AKAP9: variants seen among roughly 807,000 people sequenced by gnomAD.
AKAP9 encodes A-kinase anchor protein 9.
AKAP9 carries 311 observed loss-of-function variants against 488.5 expected under a neutral mutation model. That is an observed-to-expected ratio of 0.64 (90% CI 0.58 to 0.70). AKAP9 has a LOEUF of 0.70. Ranked by LOEUF, AKAP9 falls within the 30% of genes least tolerant of loss-of-function variation. The pLI is 0.00. For missense variants in AKAP9, 4,215 were observed against 4,374.5 expected (o/e 0.96, Z 1.03); for synonymous variants, 1,462 against 1,483.5 (o/e 0.99, Z 0.33).
At position 92,038,547 on chromosome 7, in the gene AKAP9, T is replaced by C. The variant is rs1030951814; in HGVS notation, c.4467T>C (p.Asn1489=). The part of the protein sequence containing the change: ...AVCQQEQHYF[N]EMKLSQDQIG... ...GTCAGCAAGAACAACATTATTTTAA[T>C]GAAATGAAATTATCACAGGATCAAA... The change falls in exon 17 of 50, where the codon AAT becomes AAC. Residue 1489 remains asparagine, a synonymous_variant. Coordinates refer to ENST00000356239, the MANE Select transcript of AKAP9 (RefSeq NM_005751.5). The C allele has an allele frequency of 1.2e-6, 2 of 1,613,944 alleles. No individual in the cohort carries two copies. Among genetic ancestry groups the C allele is most frequent in the South Asian group, 2.2e-5 (2 of 91,078 alleles).
In AKAP9 at chr7:92,001,709, A is replaced by G; in HGVS notation, c.1792A>G (p.Ile598Val). The change falls in exon 8 of 50, where the codon ATA (isoleucine) becomes GTA (valine). Residue 598 changes from isoleucine to valine, a missense_variant. Physicochemically the swap from Ile to Val is conservative, Grantham distance 29. Around this residue, in one of 5 missense-constraint regions of AKAP9, gnomAD observed 2,361 missense variants for 2,430.0 expected, o/e 0.97. Coordinates refer to ENST00000356239, the MANE Select transcript of AKAP9 (RefSeq NM_005751.5). ...KHEAEVTNYK[I>V]KLEMLEKEKN... ...TGAAGCAGAAGTTACAAATTACAAG[A>G]TAAAACTTGAAATGTTAGAAAAAGA... 6.2e-7 allele frequency: 1 copy of G among 1,612,424 alleles called. No individual in the cohort carries two copies. The highest frequency in any genetic ancestry group is 2.2e-5 in the East Asian group (1 of 44,834).
chr7:91,983,007 T>C (rs1470640979), intron 3 of AKAP9, among the ~76,000 whole-genome samples: 1 of 152,204 alleles, frequency 6.6e-6, no homozygotes, highest in Non-Finnish European at 1.5e-5. Context: ...TCTGTTCATA[T>C]CCTTTGCCTG....
intron 3 of AKAP9, among the ~76,000 whole-genome samples, chr7:91,985,108 T>C (rs1253958701): frequency 6.6e-6 from 1 of 152,202 alleles, no homozygotes; most frequent in Non-Finnish European, 1.5e-5. Context: ...CCTTTATTTC[T>C]TTCTCTTGTC....
At chr7:92,042,811 A>G in intron 20 of AKAP9, 40 bp downstream of exon 20, 2 of 1,353,662 alleles carry the variant, frequency 1.5e-6, no homozygotes, top group Non-Finnish European at 2.1e-6. Flanking sequence ...AAGTAAATTA[A>G]AATGGTTGTT....
chr7:92,023,209 A>T (rs1244237134), intron 14 of AKAP9, among the ~76,000 whole-genome samples, 200 bp downstream of exon 14: 5 of 152,202 alleles, frequency 3.3e-5, no homozygotes, highest in Non-Finnish European at 5.9e-5. Context: ...TAAACCAAAG[A>T]CATTATAGGA....
In AKAP9 at chr7:92,093,121, A is replaced by G; in HGVS notation, c.9383A>G (p.Gln3128Arg). Residue 3128 changes from glutamine to arginine, a missense_variant, in exon 39 of 50, where the codon CAG becomes CGG. Physicochemically the swap from Gln to Arg is conservative, Grantham distance 43. Coordinates refer to ENST00000356239, the MANE Select transcript of AKAP9 (RefSeq NM_005751.5). The part of the protein sequence containing the change: ...SQELLEYNIQ[Q>R]KQSQMLEMQV... ...GAACTCTTGGAATATAATATACAGC[A>G]GAAGCAGTCTCAAATGCTGGAGATG... 1 of 1,613,960 alleles carries G rather than the reference A, an allele frequency of 6.2e-7. No homozygotes were observed. The highest frequency in any genetic ancestry group is 1.1e-5 in the South Asian group (1 of 91,064).
chr7:92,088,925 G>A (rs888547705), intron 37 of AKAP9, among the ~76,000 whole-genome samples: 1 of 152,090 alleles, frequency 6.6e-6, no homozygotes, highest in African/African-American at 2.4e-5. Context: ...CAGATACATG[G>A]GAACTTTAGC....
chr7:91,986,297 C>T (rs1465992472), intron 3 of AKAP9, among the ~76,000 whole-genome samples: 1 of 152,208 alleles, frequency 6.6e-6, no homozygotes, highest in African/African-American at 2.4e-5. Context: ...CAGGTACAGT[C>T]TGTCACAGCT....
Position 92,001,667 on chromosome 7 carries a change from G to A in AKAP9, c.1750G>A (p.Glu584Lys), listed in dbSNP as rs1440157058. The A allele has an allele frequency of 6.2e-7, 1 of 1,612,626 alleles. No individual in the cohort carries two copies. Among genetic ancestry groups the A allele is most frequent in the East Asian group, 2.2e-5 (1 of 44,836 alleles). Residue 584 changes from glutamate to lysine, a missense_variant, in exon 8 of 50, where the codon GAA becomes AAA. Glu to Lys is a moderately conservative substitution (Grantham distance 56, BLOSUM62 1). Coordinates refer to ENST00000356239, the MANE Select transcript of AKAP9 (RefSeq NM_005751.5). ...EIVSASESRK[E>K]LELKHEAEVT... ...TGTTTCTGCATCTGAATCCAGAAAGGAACTAGAATTAAAACATGAAGCAGA... is the reference window on the plus strand; with the variant it reads ...TGTTTCTGCATCTGAATCCAGAAAGAAACTAGAATTAAAACATGAAGCAGA...
intron 8 of AKAP9, among the ~76,000 whole-genome samples, chr7:92,006,736 T>C (rs1275956416): frequency 6.6e-6 from 1 of 152,092 alleles, no homozygotes; most frequent in Admixed American, 6.6e-5. Context: ...AGGAGAAAAA[T>C]AAAAACATCA....
At chr7:92,100,753 G>T (rs1434323097) in intron 44 of AKAP9, 103 bp from the exon 45 acceptor site, 2 of 1,318,704 alleles carry the variant, frequency 1.5e-6, no homozygotes, top group Non-Finnish European at 2.2e-6. Flanking sequence ...TGTCTGGGTG[G>T]GGTTAGAAAG....
At chr7:92,066,589 T>G (rs1476403851) in intron 26 of AKAP9, 43 bp downstream of exon 26, 3 of 1,608,846 alleles carry the variant, frequency 1.9e-6, no homozygotes, top group Non-Finnish European at 2.6e-6. Context: ...GTAATTTGTA[T>G]CAAGTGTAAA....
chr7:92,082,093 C>G (rs1020145599), intron 31 of AKAP9, among the ~76,000 whole-genome samples: 1 of 152,020 alleles, frequency 6.6e-6, no homozygotes, highest in African/African-American at 2.4e-5. Flanking sequence ...CACCACAACA[C>G]CTGGCTAATT....
At chr7:92,084,505 C>T (rs1452348486) in intron 33 of AKAP9, 135 bp from the exon 34 acceptor site, 1 of 617,644 alleles carries the variant, frequency 1.6e-6, no homozygotes, top group Non-Finnish European at 2.8e-6. Flanking sequence ...AAAAAAAAAC[C>T]ATGAATAATT....
intron 1 of AKAP9, among the ~76,000 whole-genome samples, chr7:91,967,489 G>T (rs1447039867): frequency 6.6e-6 from 1 of 152,080 alleles, no homozygotes; most frequent in Non-Finnish European, 1.5e-5. Context: ...TCTGTATCCA[G>T]TTTGTTGAGG....
chr7:92,092,852 G>A (rs959253080), intron 38 of AKAP9: 3 of 416,694 alleles, frequency 7.2e-6, no homozygotes, highest in Non-Finnish European at 4.4e-6. Context: ...TCACCATGTT[G>A]CCCAGGCTGG....
chr7:92,018,415 CACACACACACACACACACACACACACAG>C (rs1199287693), intron 12 of AKAP9, among the ~76,000 whole-genome samples: 3 of 123,270 alleles, frequency 2.4e-5, no homozygotes, highest in African/African-American at 9.4e-5. Flanking sequence ...CACACACACA[CACACACACACACACACACACACACACAG>C]AGAAATATTC....
rs1816678620 is a variant in AKAP9, at chr7:92,096,879, T to C, written c.9920T>C (p.Val3307Ala). The C allele has an allele frequency of 1.2e-6, 2 of 1,613,904 alleles. No homozygotes were observed. The highest frequency in any genetic ancestry group is 3.3e-5 in the Admixed American group (2 of 59,974). The change falls in exon 41 of 50, where the codon GTT (valine) becomes GCT (alanine). Residue 3307 changes from valine (V) to alanine (A), a missense_variant. Physicochemically the swap from Val to Ala is moderately conservative, Grantham distance 64 (BLOSUM62 0). Transcript: ENST00000356239. Reference protein sequence around the residue: ...ELQVLLESEKVRIREMSSTLD... With the variant: ...ELQVLLESEKARIREMSSTLD... ...CAGGTACTTCTTGAATCTGAGAAAG[T>C]TCGAATTCGGGAAATGAGTAGTACC... is the stretch of plus-strand genomic sequence containing the variant.
At chr7:91,943,464 A>G (rs1438028987) in intron 1 of AKAP9, among the ~76,000 whole-genome samples, 3 of 152,208 alleles carry the variant, frequency 2.0e-5, no homozygotes, top group Non-Finnish European at 4.4e-5. Context: ...TTGAATCCCT[A>G]TTTTATACCT....
Sources: gnomAD v4.1 joint callset for allele counts (sites outside exome capture counted in the v4.1 genomes callset) on GRCh38, gnomAD v4.1.1 for gene constraint, gnomAD v4.1.1 regional missense constraint, MANE v1.5 for transcripts, NCBI Gene and HGNC (gene_info 2026-07-23, HGNC 2026-07-21) for gene names.